Variants in THBS1 observed in about 807,000 individuals in gnomAD.
The protein encoded by THBS1 is thrombospondin 1, also known as thrombospondin-1.
A neutral mutation model predicts 126.1 loss-of-function variants in THBS1; 29 were observed. The observed-to-expected ratio is 0.23, with a 90% CI of 0.17 to 0.31. The LOEUF (loss-of-function observed/expected upper bound fraction) is 0.31, where lower values mean the gene tolerates loss of function less well. Ranked by LOEUF, THBS1 falls within the 10% of genes least tolerant of loss-of-function variation. The probability of loss-of-function intolerance (pLI) is 1.00; values close to 1 mark genes in which losing one functional copy is unlikely to be tolerated. For synonymous variants in THBS1, 496 were observed against 577.8 expected (o/e 0.86, Z 2.03); for missense variants, 1,198 against 1,545.2 (o/e 0.78, Z 3.77).
Position 39,584,061 on chromosome 15 carries a change from T to C in THBS1, c.777T>C (p.Ile259=), listed in dbSNP as rs1461640207. Reference sequence around the variant, plus strand: ...GCCCTGCCATCCGCACTAACTACATTGGCCACAAGACAAAGGACTTGCAAG... The same window carrying C: ...GCCCTGCCATCCGCACTAACTACATCGGCCACAAGACAAAGGACTTGCAAG... ...GSSPAIRTNY[I]GHKTKDLQAI... Residue 259 remains isoleucine, a synonymous_variant, in exon 5 of 22, where the codon ATT becomes ATC. Transcript: ENST00000260356. The C allele has an allele frequency of 1.2e-6, 2 of 1,614,186 alleles. No individual in the cohort carries two copies. The highest frequency in any genetic ancestry group is 1.1e-5 in the South Asian group (1 of 91,088).
intron 2 of THBS1, 84 bp from the exon 3 acceptor site, chr15:39,582,109 C>T: frequency 6.8e-7 from 1 of 1,467,786 alleles, no homozygotes. Context: ...CACCCCAACC[C>T]TTTGTCTCCA....
At position 39,589,782 on chromosome 15, in the gene THBS1, A is replaced by G; in HGVS notation, c.1927-23A>G. On this transcript the variant is annotated intron_variant, in intron 12 of 21. Transcript: ENST00000260356. The surrounding 1 kb of genome is among the most constrained non-coding windows in gnomAD (Gnocchi z 4.7). ...TGAGGATTCTCAAAAGCTCTGTGTA[A>G]CAGCAGCATGGTGTACCCTCAGGTG... 1 of 1,570,648 alleles carries G rather than the reference A, an allele frequency of 6.4e-7. No individual in the cohort carries two copies. The highest frequency in any genetic ancestry group is 1.4e-5 in the African/African-American group (1 of 73,772).
rs775617348 is a variant in THBS1, at chr15:39,582,369, G to A, written c.244G>A (p.Val82Met). 20 of 1,614,096 alleles carry A rather than the reference G, an allele frequency of 1.2e-5. No individual in the cohort carries two copies. The highest frequency in any genetic ancestry group is 4.0e-5 in the African/African-American group (3 of 74,926). ...CAAGTTCCAAGACCTGGTGGATGCT[G>A]TGCGGGCAGAAAAGGGTTTCCTCCT... is the stretch of plus-strand genomic sequence containing the variant. The part of the protein sequence containing the change: ...DDKFQDLVDA[V>M]RAEKGFLLLA... The change falls in exon 3 of 22, where the codon GTG becomes ATG. Residue 82 changes from valine to methionine, a missense_variant. Physicochemically the swap from Val to Met is conservative, Grantham distance 21 (BLOSUM62 1). Around this residue, in one of 4 missense-constraint regions of THBS1, gnomAD observed 271 missense variants for 277.0 expected, o/e 0.98. Coordinates refer to ENST00000260356, the MANE Select transcript of THBS1 (RefSeq NM_003246.4).
At chr15:39,587,564 C>A in intron 8 of THBS1, 44 bp downstream of exon 8, 1 of 1,556,434 alleles carries the variant, frequency 6.4e-7, no homozygotes, top group South Asian at 1.2e-5. Flanking sequence ...CTGACCTGTC[C>A]TTGTTGTCGT....
In THBS1 at chr15:39,582,730, G is replaced by T; in HGVS notation, c.605G>T (p.Gly202Val). The stretch of plus-strand genomic sequence containing the variant: ...ATCGCCAGACTCCGCATCGCAAAGG[G>T]GGGCGTCAATGACAATTTCCAGGTG... ...ASIARLRIAK[G>V]GVNDNFQGVL... is the part of the protein sequence containing the mutation. Residue 202 changes from glycine (G) to valine (V), a missense_variant, in exon 3 of 22, where the codon GGG (glycine) becomes GTG (valine). By Grantham distance (109) the Gly-to-Val change is moderately radical. This residue lies in a region of THBS1 where 271 missense variants were observed against 277.0 expected (regional missense o/e 0.98). Coordinates refer to ENST00000260356, the MANE Select transcript of THBS1 (RefSeq NM_003246.4). The T allele has an allele frequency of 6.2e-7, 1 of 1,611,258 alleles. No individual in the cohort carries two copies. Among genetic ancestry groups the T allele is most frequent in the Non-Finnish European group, 8.5e-7 (1 of 1,179,022 alleles).
chr15:39,589,114 C>A lies in THBS1; in HGVS notation c.1773+28C>A, dbSNP rs745512980. 4 of 1,612,784 alleles carry A rather than the reference C, an allele frequency of 2.5e-6. No homozygotes were observed. Among genetic ancestry groups the A allele is most frequent in the Non-Finnish European group, 3.4e-6 (4 of 1,178,800 alleles). On this transcript the variant is annotated intron_variant, in intron 11 of 21. Coordinates refer to ENST00000260356, the MANE Select transcript of THBS1 (RefSeq NM_003246.4). This position sits in a 1 kb window ranked among gnomAD's most constrained non-coding sequence, Gnocchi z 4.7. ...GAGGAACTGATGGGGCTCCGAGTTTCTGGATCTAGGAAAGCAGCTAACCTG... is the reference window on the plus strand; with the variant it reads ...GAGGAACTGATGGGGCTCCGAGTTTATGGATCTAGGAAAGCAGCTAACCTG...
Position 39,593,325 on chromosome 15 carries a change from G to C in THBS1, c.2996-72G>C. 1 of 1,612,572 alleles carries C rather than the reference G, an allele frequency of 6.2e-7. No homozygotes were observed. Among genetic ancestry groups the C allele is most frequent in the East Asian group, 2.2e-5 (1 of 44,866 alleles). ...TGTACCTATCCCTGTGGGTGCTGAG[G>C]ATGTCTAGGAACATGATGGAGAACC... On this transcript the variant is annotated intron_variant, in intron 18 of 21. Transcript: ENST00000260356. The surrounding 1 kb of genome is among the most constrained non-coding windows in gnomAD (Gnocchi z 5.9).
intron 14 of THBS1, chr15:39,590,852 A>G (rs1287328146): frequency 5.4e-6 from 3 of 553,542 alleles, no homozygotes; most frequent in Non-Finnish European, 9.5e-6. Flanking sequence ...TCTGTACTTG[A>G]GAAATTATAA....
intron 7 of THBS1, 86 bp downstream of exon 7, chr15:39,585,649 C>A: frequency 8.1e-7 from 1 of 1,236,084 alleles, no homozygotes; most frequent in Non-Finnish European, 1.2e-6. Context: ...ACACTGGAAC[C>A]CCACCCCCAT....
In THBS1 at chr15:39,594,200, C is replaced by T. The variant is rs377538735; in HGVS notation, c.3365+4C>T. ...GGCCAAAGACGGGTTTCATTAGGTACGATCATACTGATTCACTTTCACTTA... is the reference window on the plus strand; with the variant it reads ...GGCCAAAGACGGGTTTCATTAGGTATGATCATACTGATTCACTTTCACTTA... On this transcript the variant is annotated splice_donor_region_variant and intron_variant, in intron 20 of 21. Coordinates refer to ENST00000260356, the MANE Select transcript of THBS1 (RefSeq NM_003246.4). The surrounding 1 kb of genome is among the most constrained non-coding windows in gnomAD (Gnocchi z 4.4). 91 of 1,613,942 alleles carry T rather than the reference C, an allele frequency of 5.6e-5. No homozygotes were observed. Among genetic ancestry groups the T allele is most frequent in the East Asian group, 4.2e-4 (19 of 44,890 alleles).
chr15:39,596,002 G>A lies in THBS1; in HGVS notation c.*633G>A. The A allele has an allele frequency of 2.6e-6, 1 of 387,348 alleles. No individual in the cohort carries two copies. Among genetic ancestry groups the A allele is most frequent in the South Asian group, 1.9e-5 (1 of 52,278 alleles). 24.0% of individuals were successfully genotyped at this position (387,348 alleles called of 1,614,324 possible). ...TAGGCACTTAAATAGAAGCAGGAAA[G>A]GGAGACAAAGACTGGCTTCTGGACT... On this transcript the variant is annotated 3_prime_UTR_variant, in exon 22 of 22. Transcript: ENST00000260356.
In THBS1 at chr15:39,589,909, G is replaced by C. The variant is rs777252173; in HGVS notation, c.2031G>C (p.Glu677Asp). 1 of 1,614,122 alleles carries C rather than the reference G, an allele frequency of 6.2e-7. No homozygotes were observed. ...ATAGCGACCCCATGTACCGCTGCGA[G>C]TGCAAGCCTGGCTACGCTGGCAATG... is the stretch of plus-strand genomic sequence containing the variant. ...GHYSDPMYRC[E>D]CKPGYAGNGI... The change falls in exon 13 of 22, where the codon GAG becomes GAC. Residue 677 changes from glutamate to aspartate, a missense_variant. Coordinates refer to ENST00000260356, the MANE Select transcript of THBS1 (RefSeq NM_003246.4). This position sits in a 1 kb window ranked among gnomAD's most constrained non-coding sequence, Gnocchi z 4.7.
chr15:39,581,638 A>ACC, intron 1 of THBS1, 191 bp from the exon 2 acceptor site: 1 of 345,026 alleles, frequency 2.9e-6, no homozygotes, highest in South Asian at 4.9e-5. Context: ...TCTTTCCTCC[A>ACC]CCTCTCTCTC....
intron 21 of THBS1, among the ~76,000 whole-genome samples, chr15:39,595,051 C>T (rs1036738079): frequency 3.3e-5 from 5 of 152,122 alleles, no homozygotes; most frequent in Non-Finnish European, 7.3e-5. Context: ...GTTGATTTTA[C>T]TCAAAAAAAT....
At chr15:39,581,437 A>G (rs545301188) in intron 1 of THBS1, among the ~76,000 whole-genome samples, 1 of 152,110 alleles carries the variant, frequency 6.6e-6, no homozygotes, top group Non-Finnish European at 1.5e-5. Context: ...CCAACTCATC[A>G]GGACACCCCA....
chr15:39,585,953 A>G (rs1890200540), intron 7 of THBS1, among the ~76,000 whole-genome samples: 1 of 152,212 alleles, frequency 6.6e-6, no homozygotes, highest in African/African-American at 2.4e-5. Flanking sequence ...CTGTGTAAGC[A>G]TTGGCCTGAT....
chr15:39,591,514 A>T lies in THBS1; in HGVS notation c.2423A>T (p.Asn808Ile). 1 of 1,614,194 alleles carries T rather than the reference A, an allele frequency of 6.2e-7. No individual in the cohort carries two copies. The highest frequency in any genetic ancestry group is 8.5e-7 in the Non-Finnish European group (1 of 1,180,020). The change falls in exon 16 of 22, where the codon AAT (asparagine) becomes ATT (isoleucine). Residue 808 changes from asparagine (N) to isoleucine (I), a missense_variant. This residue lies in a region of THBS1 where 663 missense variants were observed against 860.1 expected (regional missense o/e 0.77). Coordinates refer to ENST00000260356, the MANE Select transcript of THBS1 (RefSeq NM_003246.4). ...AADIDGDGIL[N>I]ERDNCQYVYN... ...CCCTTGTTCTCTTCAGGTATCCTCAATGAACGGGACAACTGCCAGTACGTC... is the reference window on the plus strand; with the variant it reads ...CCCTTGTTCTCTTCAGGTATCCTCATTGAACGGGACAACTGCCAGTACGTC...
In THBS1 at chr15:39,596,693, A is replaced by G. The variant is rs1385577675; in HGVS notation, c.*1324A>G. 6.6e-6 allele frequency: 1 copy of G among 152,152 alleles called. No individual in the cohort carries two copies. The highest frequency in any genetic ancestry group is 2.4e-5 in the African/African-American group (1 of 41,428). 9.4% of individuals were successfully genotyped at this position (152,152 alleles called of 1,614,324 possible). A position where few individuals can be genotyped will look rare whatever the true frequency, so the allele number is the denominator to read the frequency against. On this transcript the variant is annotated 3_prime_UTR_variant, in exon 22 of 22. Transcript: ENST00000260356. ...ATGGGATTCTTTTTTTCTCTGTTTTATCTTTTCAAGTGGAATTAGTTGGTT... is the reference window on the plus strand; with the variant it reads ...ATGGGATTCTTTTTTTCTCTGTTTTGTCTTTTCAAGTGGAATTAGTTGGTT...
rs762331016 is a variant in THBS1, at chr15:39,591,283, C to T, written c.2346C>T (p.Asn782=). 1.2e-6 allele frequency: 2 copies of T among 1,614,066 alleles called. No homozygotes were observed. Among genetic ancestry groups the T allele is most frequent in the African/African-American group, 1.3e-5 (1 of 74,924 alleles). Reference sequence around the variant, plus strand: ...GTGACAACTGTCCCTACAACCACAACCCAGATCAGGCAGACACAGACAACA... The same window carrying T: ...GTGACAACTGTCCCTACAACCACAATCCAGATCAGGCAGACACAGACAACA... ...DRCDNCPYNH[N]PDQADTDNNG... The change falls in exon 15 of 22, where the codon AAC becomes AAT. Residue 782 remains asparagine, a synonymous_variant. Transcript: ENST00000260356.
Sources: gnomAD v4.1 joint callset for allele counts (sites outside exome capture counted in the v4.1 genomes callset) on GRCh38, gnomAD v4.1.1 for gene constraint, gnomAD v4.1.1 regional missense constraint, Gnocchi (gnomAD v3.1) non-coding constraint, MANE v1.5 for transcripts, NCBI Gene and HGNC (gene_info 2026-07-23, HGNC 2026-07-21) for gene names.